Variants in DST observed in about 807,000 individuals in gnomAD.
DST encodes bullous pemphigoid antigen.
Under a neutral mutation model 875.2 loss-of-function variants are expected in DST, and 253 were observed. The observed-to-expected ratio is 0.29, with a 90% CI of 0.26 to 0.32. DST has a LOEUF of 0.32. Among genes scored for constraint, DST ranks in the 10% least tolerant of loss-of-function variants. The probability of loss-of-function intolerance (pLI) is 1.00; values close to 1 mark genes in which losing one functional copy is unlikely to be tolerated. For missense variants in DST, 8,287 were observed against 9,111.6 expected (o/e 0.91, Z 3.68); for synonymous variants, 3,124 against 3,197.1 (o/e 0.98, Z 0.77).
chr6:56,863,171 A>G (rs1772182163), intron 3 of DST: 1 of 152,232 alleles, frequency 6.6e-6, no homozygotes, highest in South Asian at 2.1e-4. Flanking sequence ...AGATGGTAGC[A>G]TGCTGGTAAT....
chr6:56,670,831 A>C (rs2099097212), intron 9 of DST, 24 bp from the exon 10 acceptor site: 6 of 1,519,340 alleles, frequency 3.9e-6, no homozygotes, highest in African/African-American at 1.4e-5. Context: ...AAAGTGTTAA[A>C]CCTTTAGGAA....
At chr6:56,650,262 G>A (rs978293946) in intron 12 of DST, among the ~76,000 whole-genome samples, 5 of 142,316 alleles carry the variant, frequency 3.5e-5, no homozygotes, top group African/African-American at 1.4e-4. Context: ...CCCCAAATAT[G>A]TGACACATAC....
At chr6:56,851,705 C>T (rs372107868) in intron 3 of DST, 101 bp from the exon 4 acceptor site, 8 of 1,552,994 alleles carry the variant, frequency 5.2e-6, no homozygotes, top group Non-Finnish European at 7.0e-6. Context: ...CTCCCTGCCC[C>T]CAAACTGGGT....
intron 9 of DST, among the ~76,000 whole-genome samples, chr6:56,680,917 T>C (rs189569180): frequency 2.0e-5 from 3 of 152,346 alleles, no homozygotes; most frequent in Non-Finnish European, 4.4e-5. Flanking sequence ...ACACTGTGCT[T>C]AAGCTCTTCA....
At chr6:56,763,790 C>T (rs2099625077) in intron 4 of DST, among the ~76,000 whole-genome samples, 1 of 149,608 alleles carries the variant, frequency 6.7e-6, no homozygotes. Flanking sequence ...TACCATTTGT[C>T]TTGAGGAATG....
chr6:56,475,960 G>A (rs2095168942), intron 92 of DST, among the ~76,000 whole-genome samples, 189 bp downstream of exon 92: 1 of 152,152 alleles, frequency 6.6e-6, no homozygotes, highest in Non-Finnish European at 1.5e-5. Flanking sequence ...TTTTGCAAAG[G>A]TCACAGAGGG....
chr6:56,529,741 G>A lies in DST; in HGVS notation c.17302C>T (p.His5768Tyr), dbSNP rs1336675366. ...LEDDIINHNK[H>Y]LHQAVSIGQS... is the part of the protein sequence containing the mutation. The stretch of plus-strand genomic sequence containing the variant: ...CCAATGCTAACAGCCTGGTGTAAAT[G>A]TTTATTGTGATTGATGATGTCATCT... The change falls in exon 66 of 104, where the codon CAT (histidine) becomes TAT (tyrosine). Residue 5768 changes from histidine to tyrosine, a missense_variant. His to Tyr is a moderately conservative substitution (Grantham distance 83). Coordinates refer to ENST00000680361, the MANE Select transcript of DST (RefSeq NM_001374736.1). The A allele has an allele frequency of 1.9e-6, 3 of 1,596,606 alleles. No homozygotes were observed. Among genetic ancestry groups the A allele is most frequent in the Non-Finnish European group, 2.6e-6 (3 of 1,172,194 alleles).
chr6:56,492,230 C>T lies in DST; in HGVS notation c.20754G>A (p.Lys6918=), dbSNP rs2095773843. The T allele has an allele frequency of 1.9e-6, 3 of 1,613,478 alleles. No individual in the cohort carries two copies. The highest frequency in any genetic ancestry group is 2.5e-6 in the Non-Finnish European group (3 of 1,179,618). Residue 6918 remains lysine, a synonymous_variant, in exon 85 of 104, where the codon AAG becomes AAA. Coordinates refer to ENST00000680361, the MANE Select transcript of DST (RefSeq NM_001374736.1). ...RSLDDARKRA[K]QFHEAWSKLM... Reference sequence around the variant, plus strand: ...AATTTTTCTAAAGGGTTATTACCTGCTTGGCTCTCTTCCTTGCATCATCCA... The same window carrying T: ...AATTTTTCTAAAGGGTTATTACCTGTTTGGCTCTCTTCCTTGCATCATCCA...
At chr6:56,896,208 G>C (rs1791204158) in intron 3 of DST, among the ~76,000 whole-genome samples, 3 of 151,350 alleles carry the variant, frequency 2.0e-5, no homozygotes, top group Non-Finnish European at 4.4e-5. Flanking sequence ...GATATGGTTT[G>C]GCTGTGTCCC....
At chr6:56,555,954 AGT>A in intron 59 of DST, 114 bp from the exon 60 acceptor site, 4 of 1,117,440 alleles carry the variant, frequency 3.6e-6, no homozygotes, top group Non-Finnish European at 4.9e-6. Flanking sequence ...TTTGTTTTTT[AGT>A]TATCACTTTC....
intron 5 of DST, among the ~76,000 whole-genome samples, chr6:56,729,838 A>C (rs2099489872): frequency 6.6e-6 from 1 of 152,166 alleles, no homozygotes. Flanking sequence ...CACTGACTTC[A>C]CTATGTGGGC....
intron 5 of DST, among the ~76,000 whole-genome samples, chr6:56,719,381 C>T (rs1293832506): frequency 6.6e-6 from 1 of 152,078 alleles, no homozygotes; most frequent in Non-Finnish European, 1.5e-5. Context: ...TAATCTAGAC[C>T]AAAGCCGGGG....
intron 2 of DST, 28 bp from the exon 3 acceptor site, chr6:56,900,649 T>A: frequency 1.5e-6 from 2 of 1,360,442 alleles, no homozygotes; most frequent in Non-Finnish European, 2.0e-6. Context: ...ACCAAGCAAA[T>A]CCAGATTTGT....
intron 48 of DST, 93 bp from the exon 49 acceptor site, chr6:56,592,451 G>A: frequency 2.8e-6 from 3 of 1,052,656 alleles, no homozygotes; most frequent in Non-Finnish European, 2.7e-6. Flanking sequence ...ATGTAACTTG[G>A]AAAAAAAACC....
At chr6:56,548,088 G>A (rs1584664981) in intron 61 of DST, among the ~76,000 whole-genome samples, 1 of 152,168 alleles carries the variant, frequency 6.6e-6, no homozygotes, top group Admixed American at 6.5e-5. Context: ...TCTAGATCAG[G>A]GGTGTCCAAT....
In DST at chr6:56,607,534, A is replaced by G. The variant is rs1396767085; in HGVS notation, c.7094T>C (p.Ile2365Thr). The G allele has an allele frequency of 2.5e-6, 4 of 1,605,074 alleles. No individual in the cohort carries two copies. The East Asian group carries it at 6.7e-5, about 27-fold the overall frequency. ...ISMLRSDSEN[I>T]LTNYENQSRV... The stretch of plus-strand genomic sequence containing the variant: ...GCTTTGATTTTCATAGTTTGTAAGT[A>G]TGTTTTCAGAGTCACTTCTAAGCAT... The change falls in exon 40 of 104, where the codon ATA becomes ACA. Residue 2365 changes from isoleucine to threonine, a missense_variant. Ile to Thr is a moderately conservative substitution (Grantham distance 89, BLOSUM62 -1). This residue lies in a region of DST where 3,138 missense variants were observed against 3,116.6 expected (regional missense o/e 1.01). Transcript: ENST00000680361.
In DST at chr6:56,482,161, C is replaced by T. The variant is rs375659355; in HGVS notation, c.21420G>A (p.Ser7140=). 1.8e-5 allele frequency: 29 copies of T among 1,604,322 alleles called. No individual in the cohort carries two copies. Among genetic ancestry groups the T allele is most frequent in the East Asian group, 8.9e-5 (4 of 44,850 alleles). The part of the protein sequence containing the change: ...AALRQAEEFH[S]VVHALLEWLA... ...GCCACTCCAAGAGGGCATGTACCACCGAGTGGAATTCCTCTGCCTAAGAGT... is the reference window on the plus strand; with the variant it reads ...GCCACTCCAAGAGGGCATGTACCACTGAGTGGAATTCCTCTGCCTAAGAGT... The change falls in exon 90 of 104, where the codon TCG becomes TCA. Residue 7140 remains serine (S), a synonymous_variant. Coordinates refer to ENST00000680361, the MANE Select transcript of DST (RefSeq NM_001374736.1).
In DST at chr6:56,592,291, C is replaced by T; in HGVS notation, c.12794G>A (p.Cys4265Tyr). The T allele has an allele frequency of 1.2e-6, 2 of 1,611,060 alleles. No homozygotes were observed. The highest frequency in any genetic ancestry group is 1.7e-6 in the Non-Finnish European group (2 of 1,178,314). The change falls in exon 49 of 104, where the codon TGT becomes TAT. Residue 4265 changes from cysteine to tyrosine, a missense_variant. Physicochemically the swap from Cys to Tyr is radical, Grantham distance 194. Transcript: ENST00000680361. ...DKYQHYEDAS[C>Y]GLLAGLQACE... Reference sequence around the variant, plus strand: ...GGCCTGGAGTCCAGCAAGAAGTCCACATGAAGCATCTTCATAGTGTTGATA... The same window carrying T: ...GGCCTGGAGTCCAGCAAGAAGTCCATATGAAGCATCTTCATAGTGTTGATA...
chr6:56,553,519 A>G lies in DST; in HGVS notation c.15273T>C (p.Asp5091=). The G allele has an allele frequency of 6.2e-7, 1 of 1,613,994 alleles. No homozygotes were observed. Among genetic ancestry groups the G allele is most frequent in the Non-Finnish European group, 8.5e-7 (1 of 1,179,892 alleles). Residue 5091 remains aspartate (D), a synonymous_variant, in exon 61 of 104, where the codon GAT becomes GAC. Transcript: ENST00000680361. ...NKSHPISAKL[D]VLESLIKDHK... is the part of the protein sequence containing the mutation. The stretch of plus-strand genomic sequence containing the variant: ...GATCTTTAATTAATGACTCCAAGAC[A>G]TCGAGTTTGGCAGATATTGGATGAG...
Sources: gnomAD v4.1 joint callset for allele counts (sites outside exome capture counted in the v4.1 genomes callset) on GRCh38, gnomAD v4.1.1 for gene constraint, gnomAD v4.1.1 regional missense constraint, MANE v1.5 for transcripts, NCBI Gene and HGNC (gene_info 2026-07-23, HGNC 2026-07-21) for gene names.